The following MAP4K3 variants were observed in gnomAD, a reference collection of about 807,000 sequenced individuals.
MAP4K3 encodes the protein MAPK/ERK kinase kinase kinase 3.
Under a neutral mutation model 143.5 loss-of-function variants are expected in MAP4K3, and 94 were observed. That is an observed-to-expected ratio of 0.65 (90% CI 0.55 to 0.78). MAP4K3 has a LOEUF of 0.78. Ranked by LOEUF, MAP4K3 falls within the 30% of genes least tolerant of loss-of-function variation. MAP4K3 has a pLI of 0.00. For synonymous variants in MAP4K3, 416 were observed against 347.2 expected, an observed-to-expected ratio of 1.20 and a Z score of -2.20; for missense variants, 1,077 against 1,068.1, an observed-to-expected ratio of 1.01 and a Z score of -0.12.
chr2:39,378,137 G>A lies in MAP4K3; in HGVS notation c.97-14C>T, dbSNP rs746462380. 1.1e-5 allele frequency: 16 copies of A among 1,513,838 alleles called. No individual in the cohort carries two copies. The highest frequency in any genetic ancestry group is 8.0e-5 in the Admixed American group (4 of 50,078). 93.8% of individuals were successfully genotyped at this position (1,513,838 alleles called of 1,614,324 possible). On this transcript the variant is annotated splice_polypyrimidine_tract_variant and intron_variant, in intron 1 of 33. Transcript: ENST00000263881. The stretch of plus-strand genomic sequence containing the variant: ...AACATTCCGTGCCTAAAAGAAAGAG[G>A]AAAAAAGGATTATTGTGAAGAAAGC...
At chr2:39,253,927 G>C (rs977820958) in intron 32 of MAP4K3, among the ~76,000 whole-genome samples, 4 of 152,164 alleles carry the variant, frequency 2.6e-5, no homozygotes, top group African/African-American at 7.2e-5. Flanking sequence ...GGATTCATGA[G>C]ATGCATAGCT....
intron 1 of MAP4K3, among the ~76,000 whole-genome samples, chr2:39,397,891 T>C (rs1203517533): frequency 1.3e-5 from 2 of 152,132 alleles, no homozygotes; most frequent in East Asian, 1.9e-4. Flanking sequence ...CTTGAATATA[T>C]GATAAGCTGA....
chr2:39,423,100 A>T (rs1211459918), intron 1 of MAP4K3, among the ~76,000 whole-genome samples: 1 of 152,274 alleles, frequency 6.6e-6, no homozygotes, highest in African/African-American at 2.4e-5. Flanking sequence ...TCCTATTTTA[A>T]AAAGGGAAAA....
intron 1 of MAP4K3, among the ~76,000 whole-genome samples, chr2:39,414,105 T>C (rs2148620432): frequency 6.6e-6 from 1 of 152,308 alleles, no homozygotes; most frequent in African/African-American, 2.4e-5. Flanking sequence ...CCTCTCTGTC[T>C]TGATACTTTA....
chr2:39,254,383 G>A lies in MAP4K3; in HGVS notation c.2541+67C>T. ...ATCAAGCATTACTTGTATCATTTAG[G>A]AATCGAACTGTTTGAAGTGGAATTT... On this transcript the variant is annotated intron_variant, in intron 32 of 33. Coordinates refer to ENST00000263881, the MANE Select transcript of MAP4K3 (RefSeq NM_003618.4). 2.5e-6 allele frequency: 3 copies of A among 1,222,674 alleles called. 1 individual carries two copies. The highest frequency in any genetic ancestry group is 3.6e-6 in the Non-Finnish European group (3 of 830,034). The allele number at this position is 1,222,674 out of a possible 1,614,324, so 75.7% of individuals were successfully genotyped here. A position where few individuals can be genotyped will look rare whatever the true frequency, so the allele number is the denominator to read the frequency against.
chr2:39,314,160 G>C (rs189660649), intron 13 of MAP4K3, among the ~76,000 whole-genome samples: 40 of 152,054 alleles, frequency 2.6e-4, no homozygotes, highest in Admixed American at 9.8e-4. Context: ...CACCCAAGTA[G>C]CTGGGGTTAC....
At chr2:39,359,763 G>GCTCTGGCAGCTTC (rs1371231912) in intron 2 of MAP4K3, among the ~76,000 whole-genome samples, 1 of 152,258 alleles carries the variant, frequency 6.6e-6, no homozygotes, top group Admixed American at 6.5e-5. Flanking sequence ...CTTGGGGCTT[G>GCTCTGGCAGCTTC]CACCCTCTGA....
At chr2:39,373,257 C>G (rs187728765) in intron 2 of MAP4K3, among the ~76,000 whole-genome samples, 81 of 152,238 alleles carry the variant, frequency 5.3e-4, no homozygotes, top group East Asian at 1.7e-3. Flanking sequence ...TCCCCTTATT[C>G]AAAATGCCTT....
At chr2:39,349,651 G>C (rs1382422116) in intron 3 of MAP4K3, among the ~76,000 whole-genome samples, 1 of 151,798 alleles carries the variant, frequency 6.6e-6, no homozygotes, top group Non-Finnish European at 1.5e-5. Context: ...GAAGAGAAGG[G>C]AGAGGTAACA....
rs75139852 is a variant in MAP4K3, at chr2:39,386,457, A to C, written c.97-8334T>G. Among the ~76,000 whole-genome samples, 21 of 152,338 alleles carry C rather than the reference A, an allele frequency of 1.4e-4. No individual in the cohort carries two copies. The East Asian group carries it at 3.9e-3, about 28-fold the overall frequency. On this transcript the variant is annotated intron_variant, in intron 1 of 33. Coordinates refer to ENST00000263881, the MANE Select transcript of MAP4K3 (RefSeq NM_003618.4). ...TTCTTTTATGAATTGTGCTTTTGGT[A>C]TCACATCCAAGATCTTTTTGCTTAA... is the stretch of plus-strand genomic sequence containing the variant.
At chr2:39,363,210 T>G (rs1009647380) in intron 2 of MAP4K3, among the ~76,000 whole-genome samples, 2 of 152,074 alleles carry the variant, frequency 1.3e-5, no homozygotes, top group Non-Finnish European at 2.9e-5. Context: ...AACAGACAAC[T>G]GAAATTCCAC....
At chr2:39,328,444 A>T (rs767403422) in intron 8 of MAP4K3, among the ~76,000 whole-genome samples, 1 of 152,212 alleles carries the variant, frequency 6.6e-6, no homozygotes, top group Non-Finnish European at 1.5e-5. Context: ...AGATAAGAAC[A>T]TGACAATGGC....
intron 1 of MAP4K3, among the ~76,000 whole-genome samples, chr2:39,412,885 A>G (rs1667269225): frequency 6.6e-6 from 1 of 152,226 alleles, no homozygotes; most frequent in Non-Finnish European, 1.5e-5. Context: ...AAATCTGGCA[A>G]TCAAGAGGCT....
intron 29 of MAP4K3, 71 bp downstream of exon 29, chr2:39,260,535 G>A: frequency 7.8e-7 from 1 of 1,276,680 alleles, no homozygotes; most frequent in Non-Finnish European, 1.1e-6. Context: ...CTTAGTAAGA[G>A]ATACAGTAAA....
intron 1 of MAP4K3, among the ~76,000 whole-genome samples, chr2:39,403,860 A>T (rs750864587): frequency 1.3e-5 from 2 of 149,408 alleles, no homozygotes; most frequent in Non-Finnish European, 3.0e-5. Context: ...AGTGAAGAGG[A>T]CTCTAACCTG....
chr2:39,333,461 C>T (rs1292343483), intron 7 of MAP4K3, 71 bp downstream of exon 7: 1 of 1,239,776 alleles, frequency 8.1e-7, no homozygotes, highest in Non-Finnish European at 1.2e-6. Context: ...CCTGGTCCTA[C>T]AAAGGAAAAC....
At chr2:39,280,142 T>G (rs1205005598) in intron 23 of MAP4K3, 130 bp downstream of exon 23, 1 of 474,936 alleles carries the variant, frequency 2.1e-6, no homozygotes, top group East Asian at 3.5e-5. Flanking sequence ...TACCTTAAAA[T>G]AAAAAAAAAA....
intron 28 of MAP4K3, among the ~76,000 whole-genome samples, chr2:39,262,530 A>G (rs533613947): frequency 6.6e-6 from 1 of 152,308 alleles, no homozygotes; most frequent in South Asian, 2.1e-4. Context: ...GCATCTTTAA[A>G]CTTTTACAGT....
chr2:39,378,259 A>G (rs941266474), intron 1 of MAP4K3, 136 bp from the exon 2 acceptor site: 3 of 575,298 alleles, frequency 5.2e-6, no homozygotes, highest in Non-Finnish European at 6.1e-6. Context: ...TATTTACAAA[A>G]CAAATAGTTT....
Sources: gnomAD v4.1 joint callset for allele counts (sites outside exome capture counted in the v4.1 genomes callset) on GRCh38, gnomAD v4.1.1 for gene constraint, MANE v1.5 for transcripts, NCBI Gene and HGNC (gene_info 2026-07-23, HGNC 2026-07-21) for gene names.